Variants in SPOPL observed in about 807,000 individuals in gnomAD.
The protein encoded by SPOPL is speckle type BTB/POZ protein like, also known as speckle-type POZ protein-like.
SPOPL carries 23 observed loss-of-function variants against 53.8 expected under a neutral mutation model. The ratio of observed to expected loss-of-function variants is 0.43; its 90% CI spans 0.31 to 0.61. SPOPL has a LOEUF of 0.61. Among genes scored for constraint, SPOPL ranks in the 20% least tolerant of loss-of-function variants. The probability of loss-of-function intolerance (pLI) is 0.12; values close to 1 mark genes in which losing one functional copy is unlikely to be tolerated. For missense variants in SPOPL, 442 were observed against 466.9 expected (o/e 0.95, Z 0.49); for synonymous variants, 164 against 149.7 (o/e 1.10, Z -0.70).
chr2:138,530,257 G>A (rs1684777744), intron 1 of SPOPL, among the ~76,000 whole-genome samples: 1 of 152,106 alleles, frequency 6.6e-6, no homozygotes, highest in African/African-American at 2.4e-5. Context: ...ATTGTGAATA[G>A]TGCTGCAGTG....
At chr2:138,522,026 G>A (rs1684569882) in intron 1 of SPOPL, among the ~76,000 whole-genome samples, 1 of 152,166 alleles carries the variant, frequency 6.6e-6, no homozygotes, top group Non-Finnish European at 1.5e-5. Context: ...AGGACGACCT[G>A]AGACTTTGTT....
chr2:138,529,039 A>G (rs2104871399), intron 1 of SPOPL, among the ~76,000 whole-genome samples: 1 of 152,354 alleles, frequency 6.6e-6, no homozygotes, highest in Non-Finnish European at 1.5e-5. Context: ...TACATTTTAG[A>G]TAGCCCCTTC....
intron 1 of SPOPL, among the ~76,000 whole-genome samples, chr2:138,535,288 T>G (rs998025595): frequency 2.6e-5 from 4 of 152,244 alleles, no homozygotes; most frequent in African/African-American, 7.2e-5. Context: ...TTTTGGCTAT[T>G]GTGAATACTG....
rs1685810098 is a variant in SPOPL at position 138,572,535 on chromosome 2, G to A, written c.*3455G>A. 1 of 152,428 alleles carries A rather than the reference G, an allele frequency of 6.6e-6. No homozygotes were observed. Among genetic ancestry groups the A allele is most frequent in the Non-Finnish European group, 1.5e-5 (1 of 67,974 alleles). The allele number at this position is 152,428 out of a possible 1,614,324, so 9.4% of individuals were successfully genotyped here. ...CATACTTAAGTATACTTGGCTTAGA[G>A]CCAAGTATACTTGAAGAGGTGAATT... On this transcript the variant is annotated 3_prime_UTR_variant, in exon 11 of 11. Coordinates refer to ENST00000280098, the MANE Select transcript of SPOPL (RefSeq NM_001001664.3).
At chr2:138,513,155 C>T (rs796787041) in intron 1 of SPOPL, among the ~76,000 whole-genome samples, 6 of 152,330 alleles carry the variant, frequency 3.9e-5, no homozygotes, top group African/African-American at 1.2e-4. Flanking sequence ...TGATGGCTCA[C>T]GCCTGTAATC....
intron 1 of SPOPL, among the ~76,000 whole-genome samples, chr2:138,527,867 G>A (rs531240503): frequency 1.1e-4 from 16 of 152,220 alleles, no homozygotes; most frequent in African/African-American, 3.1e-4. Context: ...GGACACTTTC[G>A]GTACAAGTGG....
At chr2:138,567,424 TGTGTGTGTGTTGC>T (rs1685687347) in intron 10 of SPOPL, among the ~76,000 whole-genome samples, 1 of 120,552 alleles carries the variant, frequency 8.3e-6, no homozygotes, top group Non-Finnish European at 1.7e-5. Flanking sequence ...TGTGTGTGTG[TGTGTGTGTGTTGC>T]GGGCGGGGAG....
chr2:138,519,641 C>T (rs369029370), intron 1 of SPOPL, among the ~76,000 whole-genome samples: 1 of 151,922 alleles, frequency 6.6e-6, no homozygotes, highest in African/African-American at 2.4e-5. Flanking sequence ...CCAAAACAGA[C>T]ATAAAATTAT....
Position 138,573,436 on chromosome 2 carries a change from A to T in SPOPL, c.*4356A>T, listed in dbSNP as rs184599586. ...TTAATATGCATTTATTTTAATATGT[A>T]TGAACCATCAATACTGGATGACTTA... On this transcript the variant is annotated 3_prime_UTR_variant, in exon 11 of 11. Coordinates refer to ENST00000280098, the MANE Select transcript of SPOPL (RefSeq NM_001001664.3). 1.3e-5 allele frequency: 2 copies of T among 152,210 alleles called. No homozygotes were observed. Among genetic ancestry groups the T allele is most frequent in the Non-Finnish European group, 2.9e-5 (2 of 68,028 alleles). The allele number at this position is 152,210 out of a possible 1,614,324, so 9.4% of individuals were successfully genotyped here.
chr2:138,543,211 T>A (rs538398565), intron 1 of SPOPL, among the ~76,000 whole-genome samples: 4 of 152,168 alleles, frequency 2.6e-5, no homozygotes, highest in Non-Finnish European at 4.4e-5. Context: ...CAGTTATGTG[T>A]CTTGGAGTTG....
At chr2:138,558,019 G>A (rs1211383738) in intron 5 of SPOPL, among the ~76,000 whole-genome samples, 1 of 152,156 alleles carries the variant, frequency 6.6e-6, no homozygotes, top group African/African-American at 2.4e-5. Flanking sequence ...AATTAGCTGG[G>A]TGTGGTGGTG....
intron 1 of SPOPL, among the ~76,000 whole-genome samples, chr2:138,536,234 G>A (rs140920795): frequency 1.2e-3 from 175 of 152,140 alleles, no homozygotes; most frequent in African/African-American, 3.8e-3. Flanking sequence ...GATATTTTAT[G>A]TAGTAAATTG....
intron 1 of SPOPL, among the ~76,000 whole-genome samples, chr2:138,503,939 C>T (rs894216345): frequency 1.3e-5 from 2 of 152,300 alleles, no homozygotes; most frequent in African/African-American, 4.8e-5. Context: ...TTCATATTCA[C>T]ATGTCTTCTT....
chr2:138,546,617 CA>C (rs1298906635), intron 1 of SPOPL, among the ~76,000 whole-genome samples: 1 of 152,130 alleles, frequency 6.6e-6, no homozygotes, highest in African/African-American at 2.4e-5. Flanking sequence ...AGAATTGGAA[CA>C]ATAGGTAAGG....
chr2:138,522,749 G>A (rs890875036), intron 1 of SPOPL, among the ~76,000 whole-genome samples: 1 of 152,098 alleles, frequency 6.6e-6, no homozygotes, highest in Non-Finnish European at 1.5e-5. Context: ...GAAAGACACA[G>A]CTGTTTCTAT....
At chr2:138,555,884 CT>C (rs369256513) in intron 5 of SPOPL, among the ~76,000 whole-genome samples, 98 of 145,996 alleles carry the variant, frequency 6.7e-4, no homozygotes, top group Admixed American at 1.8e-3. Flanking sequence ...ACATTTGCCT[CT>C]TTTTTTTTTT....
chr2:138,505,734 C>T (rs1238063810), intron 1 of SPOPL, among the ~76,000 whole-genome samples: 1 of 151,688 alleles, frequency 6.6e-6, no homozygotes, highest in Non-Finnish European at 1.5e-5. Flanking sequence ...GCACTCCAAC[C>T]TGAGCAACAG....
intron 1 of SPOPL, among the ~76,000 whole-genome samples, chr2:138,514,014 A>G (rs1286824736): frequency 6.6e-6 from 1 of 152,188 alleles, no homozygotes; most frequent in Admixed American, 6.5e-5. Flanking sequence ...AGACATGCAC[A>G]TATCATCATA....
At chr2:138,541,489 G>A (rs1685071066) in intron 1 of SPOPL, among the ~76,000 whole-genome samples, 1 of 152,050 alleles carries the variant, frequency 6.6e-6, no homozygotes, top group African/African-American at 2.4e-5. Context: ...TATGTGTTGA[G>A]GAATTCATCC....
Sources: gnomAD v4.1 joint callset for allele counts (sites outside exome capture counted in the v4.1 genomes callset) on GRCh38, gnomAD v4.1.1 for gene constraint, MANE v1.5 for transcripts, NCBI Gene and HGNC (gene_info 2026-07-23, HGNC 2026-07-21) for gene names.